Variants in ERBB4 observed in about 807,000 individuals in gnomAD.
The protein encoded by ERBB4 is receptor tyrosine-protein kinase erbB-4.
ERBB4 carries 42 observed loss-of-function variants against 158.0 expected under a neutral mutation model. That is an observed-to-expected ratio of 0.27 (90% CI 0.21 to 0.34). The LOEUF is 0.34. Among genes scored for constraint, ERBB4 ranks in the 10% least tolerant of loss-of-function variants. The pLI is 1.00. For missense variants in ERBB4, 1,333 were observed against 1,624.1 expected, an observed-to-expected ratio of 0.82 and a Z score of 3.08; for synonymous variants, 583 against 558.7, an observed-to-expected ratio of 1.04 and a Z score of -0.61.
intron 1 of ERBB4, among the ~76,000 whole-genome samples, chr2:212,304,976 TAAC>T (rs1172823714): frequency 1.3e-5 from 2 of 151,238 alleles, no homozygotes; most frequent in Non-Finnish European, 3.0e-5. Context: ...AATTAGCCAA[TAAC>T]AAGAGAGAAA....
chr2:211,851,017 T>G (rs2077708877), intron 3 of ERBB4, among the ~76,000 whole-genome samples: 1 of 151,990 alleles, frequency 6.6e-6, no homozygotes, highest in East Asian at 1.9e-4. Flanking sequence ...CAACTGATAA[T>G]CTGCAGCTGA....
intron 7 of ERBB4, among the ~76,000 whole-genome samples, chr2:211,721,455 A>AAAAAAAAAAAAAAAC (rs1405949141): frequency 6.7e-6 from 1 of 148,840 alleles, no homozygotes; most frequent in Non-Finnish European, 1.5e-5. Context: ...AAAAAAAAAA[A>AAAAAAAAAAAAAAAC]AAAAAAAAAA....
At chr2:211,707,831 T>C (rs907825654) in intron 9 of ERBB4, among the ~76,000 whole-genome samples, 1 of 152,172 alleles carries the variant, frequency 6.6e-6, no homozygotes, top group Non-Finnish European at 1.5e-5. Flanking sequence ...TATTAAAATT[T>C]TAATTGATGA....
intron 1 of ERBB4, among the ~76,000 whole-genome samples, chr2:212,407,666 C>T (rs1228708155): frequency 2.6e-5 from 4 of 152,010 alleles, no homozygotes; most frequent in Non-Finnish European, 5.9e-5. Flanking sequence ...TGGGTATATA[C>T]ATGAAAAACA....
chr2:212,476,031 C>T (rs1450681215), intron 1 of ERBB4, among the ~76,000 whole-genome samples: 1 of 151,914 alleles, frequency 6.6e-6, no homozygotes, highest in Non-Finnish European at 1.5e-5. Context: ...TGCCTATATC[C>T]TCCATATTTC....
intron 3 of ERBB4, among the ~76,000 whole-genome samples, chr2:211,883,467 ATAAAAT>A (rs1199152011): frequency 6.6e-6 from 1 of 152,084 alleles, no homozygotes; most frequent in Non-Finnish European, 1.5e-5. Context: ...AATAATAAAA[ATAAAAT>A]TAAAACAAAA....
At chr2:212,216,876 A>G (rs1358962184) in intron 1 of ERBB4, among the ~76,000 whole-genome samples, 1 of 151,388 alleles carries the variant, frequency 6.6e-6, no homozygotes, top group Non-Finnish European at 1.5e-5. Context: ...TCAGAATGCA[A>G]GAGAGCAAGA....
Position 212,409,806 on chromosome 2 carries a change from A to G in ERBB4, c.82+128643T>C, listed in dbSNP as rs116506232. On this transcript the variant is annotated intron_variant, in intron 1 of 27. Transcript: ENST00000342788. The stretch of plus-strand genomic sequence containing the variant: ...ACTGAATGATTCAATGAAAATGTTG[A>G]TCATTATGGTTCAGTTATAACAAAT... Among the ~76,000 whole-genome samples the G allele has an allele frequency of 9.8e-3, 1,499 of 152,200 alleles. 23 individuals are homozygous for G. Among genetic ancestry groups the G allele is most frequent in the African/African-American group, 0.035 (1,435 of 41,562 alleles).
At chr2:211,615,776 T>C (rs1408124168) in intron 19 of ERBB4, among the ~76,000 whole-genome samples, 1 of 152,142 alleles carries the variant, frequency 6.6e-6, no homozygotes, top group Non-Finnish European at 1.5e-5. Context: ...CACATTTGTG[T>C]TATTTATTAT....
At chr2:212,065,196 G>A (rs1301832136) in intron 2 of ERBB4, among the ~76,000 whole-genome samples, 1 of 151,948 alleles carries the variant, frequency 6.6e-6, no homozygotes, top group East Asian at 1.9e-4. Context: ...TCAAAGAGAC[G>A]TGTTTAGACA....
chr2:211,775,142 A>G (rs73985861), intron 4 of ERBB4, among the ~76,000 whole-genome samples: 22,249 of 152,172 alleles, frequency 0.15, 1,829 homozygotes, highest in South Asian at 0.33. Flanking sequence ...TAAGTTTAAA[A>G]TTGAACTAAG....
At chr2:211,989,922 G>T (rs2082029678) in intron 2 of ERBB4, among the ~76,000 whole-genome samples, 1 of 151,490 alleles carries the variant, frequency 6.6e-6, no homozygotes, top group South Asian at 2.1e-4. Flanking sequence ...GAGCAAAATG[G>T]AATCATTCAT....
intron 20 of ERBB4, among the ~76,000 whole-genome samples, chr2:211,466,349 T>TAA (rs58336651): frequency 7.8e-6 from 1 of 127,958 alleles, no homozygotes. Context: ...TTTTTTTTTT[T>TAA]AAAAAAAAAA....
chr2:211,580,816 TA>T (rs2068057492), intron 19 of ERBB4, among the ~76,000 whole-genome samples: 1 of 31,234 alleles, frequency 3.2e-5, no homozygotes, highest in Non-Finnish European at 7.9e-5. Context: ...ATATATAATA[TA>T]TATATATTAT....
At chr2:211,425,875 G>C (rs1251139655) in intron 22 of ERBB4, among the ~76,000 whole-genome samples, 1 of 151,960 alleles carries the variant, frequency 6.6e-6, no homozygotes, top group African/African-American at 2.4e-5. Context: ...GTAGATAAAG[G>C]GTTTCAGCAT....
intron 1 of ERBB4, among the ~76,000 whole-genome samples, chr2:212,187,262 T>A (rs1188142992): frequency 1.3e-5 from 2 of 152,046 alleles, no homozygotes; most frequent in African/African-American, 4.8e-5. Context: ...TGTGTCACAA[T>A]TACCAGCATG....
intron 1 of ERBB4, among the ~76,000 whole-genome samples, chr2:212,402,977 C>T (rs962072043): frequency 6.6e-6 from 1 of 151,890 alleles, no homozygotes; most frequent in African/African-American, 2.4e-5. Flanking sequence ...GGTTGGAAGA[C>T]CTGTTGTTTA....
At chr2:212,415,156 C>A (rs1189284343) in intron 1 of ERBB4, among the ~76,000 whole-genome samples, 1 of 151,990 alleles carries the variant, frequency 6.6e-6, no homozygotes, top group Non-Finnish European at 1.5e-5. Context: ...ACTTTGGTAT[C>A]CTAGAAGTGA....
rs115491900 is a variant in ERBB4, at chr2:212,267,260, T to C, written c.83-142357A>G. 4.2e-3 allele frequency among the ~76,000 whole-genome samples: 633 copies of C among 152,024 alleles called. 4 individuals are homozygous for C. The highest frequency in any genetic ancestry group is 0.015 in the African/African-American group (610 of 41,496). The stretch of plus-strand genomic sequence containing the variant: ...ATCAGAACATGGGAAAAGAGAATTA[T>C]CAATAGAAAGAAAATAATTCCCCAT... On this transcript the variant is annotated intron_variant, in intron 1 of 27. Coordinates refer to ENST00000342788, the MANE Select transcript of ERBB4 (RefSeq NM_005235.3).
Sources: gnomAD v4.1 joint callset for allele counts (sites outside exome capture counted in the v4.1 genomes callset) on GRCh38, gnomAD v4.1.1 for gene constraint, MANE v1.5 for transcripts, NCBI Gene and HGNC (gene_info 2026-07-23, HGNC 2026-07-21) for gene names.